REM1: variants seen among roughly 807,000 people sequenced by gnomAD.
REM1 encodes the protein GTP-binding protein REM 1.
In REM1, 20 loss-of-function variants were observed where a neutral mutation model predicts 27.0. That is an observed-to-expected ratio of 0.74 (90% CI 0.52 to 1.08). The LOEUF is 1.08. REM1 is among the 50% of genes least tolerant of loss of function. The pLI, the probability that REM1 is intolerant of heterozygous loss-of-function variation, is 0.00. For missense variants in REM1, 405 were observed against 407.0 expected, an observed-to-expected ratio of 1.00 and a Z score of 0.04; for synonymous variants, 159 against 167.9, an observed-to-expected ratio of 0.95 and a Z score of 0.41.
intron 4 of REM1, 87 bp downstream of exon 4, chr20:31,482,575 C>T: frequency 1.5e-6 from 2 of 1,337,252 alleles, no homozygotes; most frequent in Non-Finnish European, 2.1e-6. Context: ...AGTGACTGTC[C>T]CTGCCAAGCT....
chr20:31,484,433 C>A lies in REM1; in HGVS notation c.*3C>A, dbSNP rs1234112646. ...GCCACAATCTGGCCGTGCTCTGAAG[C>A]CCCCCGCCCTTCTGAGAGTTGGCGG... On this transcript the variant is annotated 3_prime_UTR_variant, in exon 5 of 5. Transcript: ENST00000201979. 4 of 1,481,974 alleles carry A rather than the reference C, an allele frequency of 2.7e-6. No homozygotes were observed. The highest frequency in any genetic ancestry group is 1.4e-5 in the African/African-American group (1 of 70,060). The allele number at this position is 1,481,974 out of a possible 1,614,324, so 91.8% of individuals were successfully genotyped here. A position where few individuals can be genotyped will look rare whatever the true frequency, so the allele number is the denominator to read the frequency against.
chr20:31,478,797 C>A (rs1022211239), intron 3 of REM1, among the ~76,000 whole-genome samples: 1 of 149,636 alleles, frequency 6.7e-6, no homozygotes, highest in African/African-American at 2.4e-5. Flanking sequence ...CAAGTAAGAT[C>A]CAAACCCAGA....
intron 3 of REM1, among the ~76,000 whole-genome samples, chr20:31,479,176 G>A (rs112549503): frequency 1.2e-3 from 187 of 152,226 alleles, no homozygotes; most frequent in Middle Eastern, 6.8e-3. Flanking sequence ...AAGAGTCCTC[G>A]TCTTATGACT....
chr20:31,484,019 T>C, intron 4 of REM1, 140 bp from the exon 5 acceptor site: 5 of 964,372 alleles, frequency 5.2e-6, no homozygotes, highest in Non-Finnish European at 7.3e-6. Flanking sequence ...CAGTCTGATT[T>C]ATCTGAGTCC....
intron 3 of REM1, among the ~76,000 whole-genome samples, chr20:31,480,328 C>T (rs1980688700): frequency 6.6e-6 from 1 of 151,726 alleles, no homozygotes; most frequent in African/African-American, 2.4e-5. Context: ...TCTTTTATTT[C>T]TTTTCTTTTT....
rs1338071588 is a variant in REM1, at chr20:31,475,808, G to T, written c.-219-419G>T. Among the ~76,000 whole-genome samples, 1 of 152,212 alleles carries T rather than the reference G, an allele frequency of 6.6e-6. No homozygotes were observed. Among genetic ancestry groups the T allele is most frequent in the Non-Finnish European group, 1.5e-5 (1 of 68,030 alleles). On this transcript the variant is annotated intron_variant, in intron 1 of 4. Transcript: ENST00000201979. The surrounding 1 kb of genome is among the most constrained non-coding windows in gnomAD (Gnocchi z 5.0). ...GGTTCCCATGGCACTAGGGCACTCG[G>T]GTTACAGTCGGGTTACCCCCATACC...
intron 3 of REM1, among the ~76,000 whole-genome samples, chr20:31,480,228 T>TAGATAGACAGAC (rs1291751741): frequency 8.3e-6 from 1 of 121,066 alleles, no homozygotes; most frequent in East Asian, 2.1e-4. Context: ...GATAGATAGA[T>TAGATAGACAGAC]AGACAGATAC....
At position 31,484,363 on chromosome 20, in the gene REM1, C is replaced by T. The variant is rs1376831021; in HGVS notation, c.830C>T (p.Ala277Val). The change falls in exon 5 of 5, where the codon GCC (alanine) becomes GTC (valine). Residue 277 changes from alanine to valine, a missense_variant. Physicochemically the swap from Ala to Val is moderately conservative, Grantham distance 64 (BLOSUM62 0). Coordinates refer to ENST00000201979, the MANE Select transcript of REM1 (RefSeq NM_014012.6). ...CGTCGCTTCCTGGCACGCCTGACAG[C>T]CCGCAGCGCACGCCGCCGGGCACTC... ...RARRFLARLT[A>V]RSARRRALKA... The T allele has an allele frequency of 1.8e-5, 28 of 1,558,124 alleles. No individual in the cohort carries two copies. Among genetic ancestry groups the T allele is most frequent in the Non-Finnish European group, 2.4e-5 (28 of 1,152,228 alleles).
At chr20:31,476,849 A>G in intron 2 of REM1, 64 bp downstream of exon 2, 1 of 1,369,246 alleles carries the variant, frequency 7.3e-7, no homozygotes, top group East Asian at 2.4e-5. Context: ...CACCAGGGAC[A>G]CAGGGCTGCC....
At chr20:31,483,774 CAAAAAAAAA>C (rs549633656) in intron 4 of REM1, among the ~76,000 whole-genome samples, 2 of 102,532 alleles carry the variant, frequency 2.0e-5, no homozygotes, top group South Asian at 3.9e-4. Context: ...AACAGACATC[CAAAAAAAAA>C]AAAAAAAAAA....
At chr20:31,476,098 T>C in intron 1 of REM1, 129 bp from the exon 2 acceptor site, 1 of 271,780 alleles carries the variant, frequency 3.7e-6, no homozygotes, top group East Asian at 7.0e-5. Context: ...ACATCCCACC[T>C]TACTACTGCC....
Position 31,476,361 on chromosome 20 carries a change from A to C in REM1, c.-85A>C, listed in dbSNP as rs1173829515. ...CAGCTCATCAGGACACTATAGAAAG[A>C]AGCAGCTCAAAGCAATTGGCTGACA... On this transcript the variant is annotated 5_prime_UTR_variant, in exon 2 of 5. Coordinates refer to ENST00000201979, the MANE Select transcript of REM1 (RefSeq NM_014012.6). 2.8e-6 allele frequency: 3 copies of C among 1,079,364 alleles called. No individual in the cohort carries two copies. Among genetic ancestry groups the C allele is most frequent in the African/African-American group, 3.2e-5 (2 of 63,134 alleles). 66.9% of individuals were successfully genotyped at this position (1,079,364 alleles called of 1,614,324 possible).
At chr20:31,482,573 T>TCCCTGCCAAGCTGC (rs1980775722) in intron 4 of REM1, 85 bp downstream of exon 4, 1 of 1,361,438 alleles carries the variant, frequency 7.3e-7, no homozygotes, top group Admixed American at 2.0e-5. Context: ...TCAGTGACTG[T>TCCCTGCCAAGCTGC]CCCTGCCAAG....
rs752607722 is a variant in REM1 at position 31,484,236 on chromosome 20, C to T, written c.703C>T (p.Leu235Phe). ...CACGCTGCAGCACAATGTGGCCGAG[C>T]TCTTCGAGGGCGTGGTGCGCCAACT... is the stretch of plus-strand genomic sequence containing the variant. ...SATLQHNVAE[L>F]FEGVVRQLRL... The change falls in exon 5 of 5, where the codon CTC becomes TTC. Residue 235 changes from leucine to phenylalanine, a missense_variant. Physicochemically the swap from Leu to Phe is conservative, Grantham distance 22. Transcript: ENST00000201979. 1.9e-6 allele frequency: 3 copies of T among 1,607,778 alleles called. No individual in the cohort carries two copies. Among genetic ancestry groups the T allele is most frequent in the Admixed American group, 1.7e-5 (1 of 59,358 alleles).
Position 31,482,497 on chromosome 20 carries a change from T to A in REM1, c.625+9T>A. 1 of 1,613,124 alleles carries A rather than the reference T, an allele frequency of 6.2e-7. No homozygotes were observed. The highest frequency in any genetic ancestry group is 8.5e-7 in the Non-Finnish European group (1 of 1,179,492). On this transcript the variant is annotated intron_variant, in intron 4 of 4. Coordinates refer to ENST00000201979, the MANE Select transcript of REM1 (RefSeq NM_014012.6). ...AGAAGTCTCTGTGGAAGGTGAGCCC[T>A]CCATCCCACCACCTCCTCTTCACCT...
Position 31,476,578 on chromosome 20 carries a change from CG to C in REM1, c.135del (p.Leu46TrpfsTer219). 6.2e-7 allele frequency: 1 copy of C among 1,614,176 alleles called. No homozygotes were observed. The highest frequency in any genetic ancestry group is 8.5e-7 in the Non-Finnish European group (1 of 1,180,018). Reference sequence around the variant, plus strand: ...GCCTTCCACTCAATCCCAGCATCCCCGGCTGGGCCAATCAGCCTCCCTCAAC... The same window carrying C: ...GCCTTCCACTCAATCCCAGCATCCCCGCTGGGCCAATCAGCCTCCCTCAAC... ...TVPSTQSQHP[R>X]LGQSASLNPP... On this transcript the variant is annotated frameshift_variant, in exon 2 of 5. Coordinates refer to ENST00000201979, the MANE Select transcript of REM1 (RefSeq NM_014012.6). LOFTEE classifies it high-confidence loss of function.
chr20:31,478,364 A>G (rs1980600766), intron 3 of REM1, among the ~76,000 whole-genome samples: 1 of 152,182 alleles, frequency 6.6e-6, no homozygotes, highest in African/African-American at 2.4e-5. Context: ...CTTCCTCATC[A>G]GCTAGTTTTT....
In REM1 at chr20:31,484,792, T is replaced by A. The variant is rs914880631; in HGVS notation, c.*362T>A. 1.3e-5 allele frequency: 3 copies of A among 232,216 alleles called. No individual in the cohort carries two copies. The highest frequency in any genetic ancestry group is 5.8e-5 in the Admixed American group (1 of 17,348). 14.4% of individuals were successfully genotyped at this position (232,216 alleles called of 1,614,324 possible). On this transcript the variant is annotated 3_prime_UTR_variant, in exon 5 of 5. Transcript: ENST00000201979. ...GCCCAGACCTCTCCATCTCGGCTCT[T>A]CCAGGCGTCTCCACCTACTGCCCTC... is the stretch of plus-strand genomic sequence containing the variant.
chr20:31,484,457 G>A lies in REM1; in HGVS notation c.*27G>A, dbSNP rs371532845. The A allele has an allele frequency of 3.9e-5, 57 of 1,456,436 alleles. No homozygotes were observed. In the African/African-American group the frequency reaches 8.3e-4, roughly 21 times the overall value. The allele number at this position is 1,456,436 out of a possible 1,614,324, so 90.2% of individuals were successfully genotyped here. A position where few individuals can be genotyped will look rare whatever the true frequency, so the allele number is the denominator to read the frequency against. Reference sequence around the variant, plus strand: ...GCCCCCCGCCCTTCTGAGAGTTGGCGGGTCACTGAGGTGCATTCTGGGCTC... The same window carrying A: ...GCCCCCCGCCCTTCTGAGAGTTGGCAGGTCACTGAGGTGCATTCTGGGCTC... On this transcript the variant is annotated 3_prime_UTR_variant, in exon 5 of 5. Transcript: ENST00000201979.
Sources: allele counts gnomAD v4.1 joint callset (sites outside exome capture counted in the v4.1 genomes callset), GRCh38; gene constraint gnomAD v4.1.1; non-coding constraint Gnocchi (gnomAD v3.1); transcripts MANE v1.5; gene names NCBI Gene and HGNC (gene_info 2026-07-23, HGNC 2026-07-21).